The following ELN variants were observed in gnomAD, a reference collection of about 807,000 sequenced individuals.
The protein encoded by ELN is elastin, also known as tropoelastin.
A neutral mutation model predicts 105.8 loss-of-function variants in ELN; 65 were observed. That is an observed-to-expected ratio of 0.61 (90% confidence interval 0.50 to 0.75). ELN has a LOEUF of 0.75. Ranked by LOEUF, ELN falls within the 30% of genes least tolerant of loss-of-function variation. The pLI is 0.00. For synonymous variants in ELN, 368 were observed against 389.2 expected (o/e 0.95, Z 0.64); for missense variants, 882 against 969.4 (o/e 0.91, Z 1.20).
chr7:74,054,041 G>A (rs1794726383), intron 18 of ELN, among the ~76,000 whole-genome samples: 2 of 152,094 alleles, frequency 1.3e-5, no homozygotes, highest in Admixed American at 1.3e-4. Flanking sequence ...TGGAATGGTG[G>A]GCAAGCAAAT....
In ELN at chr7:74,063,748, G is replaced by C. The variant is rs1554686996; in HGVS notation, c.1993+53G>C. On this transcript the variant is annotated intron_variant, in intron 29 of 32. Coordinates refer to ENST00000252034, the MANE Select transcript of ELN (RefSeq NM_000501.4). The surrounding 1 kb of genome is among the most constrained non-coding windows in gnomAD (Gnocchi z 4.1). ...GTGTGTGGTGTGTGTATGCGAGACA[G>C]AGATGGAGACAGAGACAGAGACAGA... 1 of 1,610,426 alleles carries C rather than the reference G, an allele frequency of 6.2e-7. No homozygotes were observed. Among genetic ancestry groups the C allele is most frequent in the African/African-American group, 1.3e-5 (1 of 74,776 alleles).
chr7:74,060,832 T>C (rs1187184129), intron 25 of ELN, among the ~76,000 whole-genome samples: 1 of 152,166 alleles, frequency 6.6e-6, no homozygotes, highest in Non-Finnish European at 1.5e-5. Context: ...AGGGGACCAC[T>C]AGGAACTCCA....
At position 74,046,225 on chromosome 7, in the gene ELN, A is replaced by T; in HGVS notation, c.571+8A>T. The T allele has an allele frequency of 4.3e-6, 7 of 1,614,206 alleles. No individual in the cohort carries two copies. The highest frequency in any genetic ancestry group is 5.9e-6 in the Non-Finnish European group (7 of 1,180,030). On this transcript the variant is annotated splice_region_variant and intron_variant, in intron 11 of 32. Transcript: ENST00000252034. The stretch of plus-strand genomic sequence containing the variant: ...CTTTTGCTGGAATCCCAGGTGAGGC[A>T]AGGCTGGTGGGAGAAGCAGGGTGGC...
At chr7:74,046,641 C>A in intron 11 of ELN, 55 bp from the exon 12 acceptor site, 2 of 1,590,860 alleles carry the variant, frequency 1.3e-6, no homozygotes, top group Non-Finnish European at 1.7e-6. Context: ...GAGTGGGTGG[C>A]GGAGGGTTTG....
chr7:74,031,860 A>AAAGAAGGAAG (rs1788747600), intron 1 of ELN, among the ~76,000 whole-genome samples: 1 of 107,218 alleles, frequency 9.3e-6, no homozygotes, highest in African/African-American at 3.7e-5. Context: ...AAGGAAGGAA[A>AAAGAAGGAAG]GAAGGAAGGA....
intron 10 of ELN, 171 bp downstream of exon 10, chr7:74,045,464 C>A: frequency 1.4e-6 from 1 of 717,526 alleles, no homozygotes; most frequent in Non-Finnish European, 2.4e-6. Context: ...TGTGGCTGGG[C>A]ACACTGGCTC....
chr7:74,061,239 G>A (rs1563860460), intron 26 of ELN, 100 bp downstream of exon 26: 35 of 1,486,342 alleles, frequency 2.4e-5, no homozygotes, highest in East Asian at 6.9e-5. Context: ...AGTTTCGGCC[G>A]GGCGTGGTGG....
At chr7:74,064,226 T>A (rs551543834) in intron 29 of ELN, among the ~76,000 whole-genome samples, 1 of 150,724 alleles carries the variant, frequency 6.6e-6, no homozygotes, top group Non-Finnish European at 1.5e-5. Context: ...CCATCCTGGC[T>A]AACACAGTGA....
chr7:74,052,926 A>G, intron 17 of ELN: 1 of 584,516 alleles, frequency 1.7e-6, no homozygotes, highest in Non-Finnish European at 3.0e-6. Flanking sequence ...GAAAGAAAAG[A>G]AAAGAAAAAG....
In ELN at chr7:74,048,559, G is replaced by C. The variant is rs782700278; in HGVS notation, c.799+3G>C. On this transcript the variant is annotated splice_donor_region_variant and intron_variant, in intron 15 of 32. Transcript: ENST00000252034. ...AGCTAAAGCAGCAGCAAAGTTCGGT[G>C]AGTGCCCCTGGAGTCCCCACCTGGT... 6.2e-6 allele frequency: 10 copies of C among 1,613,832 alleles called. No homozygotes were observed. Among genetic ancestry groups the C allele is most frequent in the Non-Finnish European group, 5.1e-6 (6 of 1,179,862 alleles).
chr7:74,054,679 C>A (rs782098831), intron 18 of ELN, 37 bp from the exon 19 acceptor site: 57 of 1,609,374 alleles, frequency 3.5e-5, no homozygotes, highest in Non-Finnish European at 4.6e-5. Context: ...CTCCTCCAAT[C>A]TCTCCTGAGC....
chr7:74,041,932 G>T (rs190332738), intron 5 of ELN, among the ~76,000 whole-genome samples: 1 of 152,110 alleles, frequency 6.6e-6, no homozygotes, highest in Non-Finnish European at 1.5e-5. Flanking sequence ...TAGAGACGGG[G>T]TTTCACCATG....
chr7:74,058,258 C>CTTT (rs1795799189), intron 22 of ELN, among the ~76,000 whole-genome samples: 1 of 81,298 alleles, frequency 1.2e-5, no homozygotes, highest in African/African-American at 5.4e-5. Context: ...CTTTCTTCTT[C>CTTT]TTTCTCCTTC....
rs1354031290 is a variant in ELN at position 74,063,542 on chromosome 7, A to G, written c.1919-79A>G. 6.2e-7 allele frequency: 1 copy of G among 1,611,910 alleles called. No homozygotes were observed. Among genetic ancestry groups the G allele is most frequent in the Admixed American group, 1.7e-5 (1 of 59,984 alleles). On this transcript the variant is annotated intron_variant, in intron 28 of 32. Coordinates refer to ENST00000252034, the MANE Select transcript of ELN (RefSeq NM_000501.4). This position sits in a 1 kb window ranked among gnomAD's most constrained non-coding sequence, Gnocchi z 4.1. ...CAGGCTCCACCTGTGTCCCCAGAGG[A>G]CACCTCCGCCCTCCACAGGCCGAGG...
chr7:74,048,269 T>A, intron 14 of ELN, 68 bp downstream of exon 14: 1 of 1,606,076 alleles, frequency 6.2e-7, no homozygotes. Flanking sequence ...AGCCCTGGGG[T>A]GGGTGAGGTT....
chr7:74,054,260 G>A (rs182626852), intron 18 of ELN, among the ~76,000 whole-genome samples: 2 of 152,256 alleles, frequency 1.3e-5, no homozygotes, highest in African/African-American at 4.8e-5. Flanking sequence ...CTGAGGTGAG[G>A]AGTTCGAGAC....
rs782510791 is a variant in ELN, at chr7:74,057,464, G to A, written c.1358-176G>A. 2.6e-6 allele frequency: 4 copies of A among 1,552,882 alleles called. No homozygotes were observed. The East Asian group carries it at 9.0e-5, about 35-fold the overall frequency. On this transcript the variant is annotated intron_variant, in intron 21 of 32. Transcript: ENST00000252034. ...CAGGTGTGCCGGGCACGGGAGGAGT[G>A]CCAGGTGAGCTGTGTCTCCAGCCCA...
intron 15 of ELN, among the ~76,000 whole-genome samples, chr7:74,049,662 A>G (rs1793453042): frequency 6.8e-6 from 1 of 147,152 alleles, no homozygotes; most frequent in African/African-American, 2.5e-5. Flanking sequence ...CCATTCATCC[A>G]TCCATCCATT....
rs532425830 is a variant in ELN, at chr7:74,033,296, G to C, written c.83-2068G>C. On this transcript the variant is annotated intron_variant, in intron 1 of 32. Coordinates refer to ENST00000252034, the MANE Select transcript of ELN (RefSeq NM_000501.4). ...CTGCAGTCTGCTCTGGAGCCAGAGA[G>C]TAGAGAGGAAGGGAGAGAGGCACGT... Among the ~76,000 whole-genome samples the C allele has an allele frequency of 5.2e-5, 8 of 152,382 alleles. 1 individual carries two copies. The highest frequency in any genetic ancestry group is 5.2e-4 in the Admixed American group (8 of 15,312).
Sources: gnomAD v4.1 joint callset for allele counts (sites outside exome capture counted in the v4.1 genomes callset) on GRCh38, gnomAD v4.1.1 for gene constraint, Gnocchi (gnomAD v3.1) non-coding constraint, MANE v1.5 for transcripts, NCBI Gene and HGNC (gene_info 2026-07-23, HGNC 2026-07-21) for gene names.